PPP1R9A: variants seen among roughly 807,000 people sequenced by gnomAD.
The protein encoded by PPP1R9A is protein phosphatase 1 regulatory subunit 9A, also known as neurabin-1.
PPP1R9A carries 59 observed loss-of-function variants against 141.9 expected under a neutral mutation model. The observed-to-expected ratio is 0.42, with a 90% CI of 0.34 to 0.52. The LOEUF (loss-of-function observed/expected upper bound fraction) is 0.52. Among genes scored for constraint, PPP1R9A ranks in the 20% least tolerant of loss-of-function variants. The pLI is 0.10. For missense variants in PPP1R9A, 1,444 were observed against 1,611.9 expected, an observed-to-expected ratio of 0.90 and a Z score of 1.78; for synonymous variants, 500 against 569.7, an observed-to-expected ratio of 0.88 and a Z score of 1.74.
At chr7:95,197,495 A>G (rs1233902585) in intron 5 of PPP1R9A, among the ~76,000 whole-genome samples, 1 of 152,038 alleles carries the variant, frequency 6.6e-6, no homozygotes. Flanking sequence ...CCCTTCTCAT[A>G]CTATCTTTCC....
At chr7:95,228,182 G>A (rs546562996) in intron 8 of PPP1R9A, among the ~76,000 whole-genome samples, 3 of 152,184 alleles carry the variant, frequency 2.0e-5, no homozygotes, top group East Asian at 1.9e-4. Flanking sequence ...TACTACTCGG[G>A]CAAAATACAT....
In PPP1R9A at chr7:95,240,212, G is replaced by A. The variant is rs144876737; in HGVS notation, c.2113-7261G>A. ...GGGCAAGTTTTATTGTTTTAAGAGT[G>A]TTTTAAAGGAAAAGTCTAACATAAA... On this transcript the variant is annotated intron_variant, in intron 8 of 19. Transcript: ENST00000433360. 7.6e-3 allele frequency among the ~76,000 whole-genome samples: 1,162 copies of A among 152,092 alleles called. 13 individuals are homozygous for A. The highest frequency in any genetic ancestry group is 0.027 in the African/African-American group (1,106 of 41,526).
intron 4 of PPP1R9A, among the ~76,000 whole-genome samples, chr7:95,138,420 G>T (rs1826067591): frequency 6.6e-6 from 1 of 151,852 alleles, no homozygotes; most frequent in African/African-American, 2.4e-5. Flanking sequence ...TATTATAAAA[G>T]CTCTAAAAGA....
Position 95,204,234 on chromosome 7 carries a change from A to T in PPP1R9A, c.1956+504A>T, listed in dbSNP as rs115975520. Among the ~76,000 whole-genome samples the T allele has an allele frequency of 8.6e-3, 1,312 of 152,282 alleles. 16 individuals are homozygous for T. The highest frequency in any genetic ancestry group is 0.03 in the African/African-American group (1,260 of 41,562). ...CATATCAAAATATCTAAAATATCAA[A>T]ATATCTAAAATGATACTATACTTTA... On this transcript the variant is annotated intron_variant, in intron 7 of 19. Transcript: ENST00000433360.
intron 12 of PPP1R9A, among the ~76,000 whole-genome samples, chr7:95,262,658 G>T (rs1475157985): frequency 2.0e-5 from 3 of 152,170 alleles, no homozygotes; most frequent in South Asian, 4.2e-4. Flanking sequence ...AACTGAAGAA[G>T]GGTATATTAG....
chr7:94,955,780 T>C (rs1403869590), intron 2 of PPP1R9A, among the ~76,000 whole-genome samples: 1 of 152,166 alleles, frequency 6.6e-6, no homozygotes, highest in African/African-American at 2.4e-5. Flanking sequence ...ACCAGTATCC[T>C]ATAAGATTGC....
intron 2 of PPP1R9A, among the ~76,000 whole-genome samples, chr7:95,022,297 C>T (rs549580561): frequency 6.6e-6 from 1 of 152,238 alleles, no homozygotes; most frequent in Admixed American, 6.5e-5. Flanking sequence ...TATAGGAATG[C>T]TTGTGATTTT....
chr7:95,113,502 AAG>A (rs1445834918), intron 3 of PPP1R9A, among the ~76,000 whole-genome samples: 2 of 152,238 alleles, frequency 1.3e-5, no homozygotes, highest in East Asian at 3.8e-4. Flanking sequence ...GATAAAGTGA[AAG>A]AGCTTAAAAA....
Position 95,251,837 on chromosome 7 carries a change from A to G in PPP1R9A, c.2472A>G (p.Glu824=). ...IEDLEKAHLV[E]VQGLQVRIRD... ...ATTTGGAAAAAGCTCATCTTGTGGA[A>G]GTGCAAGGCCTCCAAGTGCGGGTAA... Residue 824 remains glutamate (E), a synonymous_variant, in exon 11 of 20, where the codon GAA becomes GAG. Coordinates refer to ENST00000433360, the MANE Select transcript of PPP1R9A (RefSeq NM_001166160.2). 3 of 1,613,930 alleles carry G rather than the reference A, an allele frequency of 1.9e-6. No individual in the cohort carries two copies. Among genetic ancestry groups the G allele is most frequent in the East Asian group, 2.2e-5 (1 of 44,842 alleles).
At chr7:95,109,993 A>G (rs997738827) in intron 2 of PPP1R9A, among the ~76,000 whole-genome samples, 3 of 152,210 alleles carry the variant, frequency 2.0e-5, no homozygotes, top group Admixed American at 6.5e-5. Context: ...GTGAAGAAAC[A>G]TGGTAGAGAC....
chr7:95,273,053 A>G (rs1376035570), intron 14 of PPP1R9A, among the ~76,000 whole-genome samples: 1 of 152,166 alleles, frequency 6.6e-6, no homozygotes, highest in Non-Finnish European at 1.5e-5. Context: ...AACAAGTGCC[A>G]CCAGTGGAAT....
intron 2 of PPP1R9A, among the ~76,000 whole-genome samples, chr7:95,079,038 G>A (rs1427816218): frequency 3.3e-5 from 5 of 151,866 alleles, no homozygotes; most frequent in East Asian, 3.9e-4. Context: ...TTGGTGTTTT[G>A]GACATGAAGT....
chr7:95,147,615 T>C lies in PPP1R9A; in HGVS notation c.1650-14252T>C, dbSNP rs371620394. On this transcript the variant is annotated intron_variant, in intron 4 of 19. Coordinates refer to ENST00000433360, the MANE Select transcript of PPP1R9A (RefSeq NM_001166160.2). ...GCTTGCAGCTTTTGCCCATTCGATA[T>C]GATATTGGCTATGGGTTTGTCATAA... Among the ~76,000 whole-genome samples the C allele has an allele frequency of 1.8e-4, 28 of 152,324 alleles. 1 individual carries two copies. Among genetic ancestry groups the C allele is most frequent in the South Asian group, 1.0e-3 (5 of 4,828 alleles).
chr7:95,207,694 CAT>C (rs1791132086), intron 7 of PPP1R9A, among the ~76,000 whole-genome samples: 1 of 152,028 alleles, frequency 6.6e-6, no homozygotes, highest in Non-Finnish European at 1.5e-5. Context: ...CTGTTATTCA[CAT>C]ATGATGAGAT....
intron 2 of PPP1R9A, among the ~76,000 whole-genome samples, chr7:94,946,629 G>A (rs1248967379): frequency 6.6e-6 from 1 of 151,844 alleles, no homozygotes; most frequent in African/African-American, 2.4e-5. Context: ...TCTTTCCATA[G>A]GATTTAGCCT....
intron 2 of PPP1R9A, among the ~76,000 whole-genome samples, chr7:94,954,107 A>G (rs1796802988): frequency 6.6e-6 from 1 of 151,310 alleles, no homozygotes; most frequent in Admixed American, 6.6e-5. Context: ...TTTTCCTTCT[A>G]TTTTACTTTT....
intron 7 of PPP1R9A, among the ~76,000 whole-genome samples, chr7:95,216,040 C>A (rs1793329104): frequency 6.6e-6 from 1 of 152,142 alleles, no homozygotes. Context: ...GACATGAAGT[C>A]CTTGCCCATG....
intron 5 of PPP1R9A, among the ~76,000 whole-genome samples, chr7:95,191,630 C>A (rs1835517658): frequency 1.3e-5 from 2 of 152,048 alleles, no homozygotes; most frequent in Non-Finnish European, 2.9e-5. Flanking sequence ...ATGCTAAAAA[C>A]ATAAACCTTA....
At chr7:95,231,000 G>A (rs995054905) in intron 8 of PPP1R9A, among the ~76,000 whole-genome samples, 3 of 152,162 alleles carry the variant, frequency 2.0e-5, no homozygotes, top group African/African-American at 7.2e-5. Context: ...AGTTTCTGCT[G>A]TCTTCAGGAA....
Sources: gnomAD v4.1 joint callset for allele counts (sites outside exome capture counted in the v4.1 genomes callset) on GRCh38, gnomAD v4.1.1 for gene constraint, MANE v1.5 for transcripts, NCBI Gene and HGNC (gene_info 2026-07-23, HGNC 2026-07-21) for gene names.